Variants in CCDC141 observed in about 807,000 individuals in gnomAD.
CCDC141 encodes coiled-coil domain-containing protein 141.
A neutral mutation model predicts 181.0 loss-of-function variants in CCDC141; 168 were observed. The ratio of observed to expected loss-of-function variants is 0.93; its 90% CI spans 0.82 to 1.05. The LOEUF (loss-of-function observed/expected upper bound fraction) is 1.05. CCDC141 is among the 50% of genes least tolerant of loss of function. CCDC141 has a pLI of 0.00. For missense variants in CCDC141, 1,902 were observed against 1,788.5 expected, an observed-to-expected ratio of 1.06 and a Z score of -1.14; for synonymous variants, 666 against 642.3, an observed-to-expected ratio of 1.04 and a Z score of -0.56.
downstream of CCDC141, among the ~76,000 whole-genome samples, chr2:178,827,092 T>C (rs1575104172): frequency 6.6e-6 from 1 of 152,304 alleles, no homozygotes; most frequent in East Asian, 1.9e-4. Flanking sequence ...TAAAAATCCT[T>C]ATTGAGATTT....
chr2:178,947,021 G>A (rs1390163824), intron 5 of CCDC141, among the ~76,000 whole-genome samples: 1 of 152,136 alleles, frequency 6.6e-6, no homozygotes, highest in African/African-American at 2.4e-5. Flanking sequence ...TCATTATGAG[G>A]TATTCATACA....
At chr2:178,875,939 A>G (rs981866190) in intron 12 of CCDC141, 1 of 152,214 alleles carries the variant, frequency 6.6e-6, no homozygotes, top group African/African-American at 2.4e-5. Context: ...TACATGTTCT[A>G]AATGTTCTAA....
At chr2:179,040,165 A>C (rs2043256703) in intron 2 of CCDC141, among the ~76,000 whole-genome samples, 1 of 152,052 alleles carries the variant, frequency 6.6e-6, no homozygotes, top group African/African-American at 2.4e-5. Context: ...GCAGGGAGGG[A>C]GACTGGCACA....
At position 178,837,692 on chromosome 2, in the gene CCDC141, C is replaced by T. The variant is rs761023328; in HGVS notation, c.3527G>A (p.Arg1176Gln). 104 of 1,613,738 alleles carry T rather than the reference C, an allele frequency of 6.4e-5. No homozygotes were observed. Among genetic ancestry groups the T allele is most frequent in the Admixed American group, 1.3e-4 (8 of 59,996 alleles). The change falls in exon 23 of 24, where the codon CGA (arginine) becomes CAA (glutamine). Residue 1176 changes from arginine (R) to glutamine (Q), a missense_variant. Coordinates refer to ENST00000443758, the MANE Select transcript of CCDC141 (RefSeq NM_173648.4). The stretch of plus-strand genomic sequence containing the variant: ...GGACACCTTCAGGTCTTGTGGTAGT[C>T]GCTCTTCCCCTGTTCCATTGATGCC... ...LLGINGTGEE[R>Q]LPQDLKVSTD...
chr2:178,955,102 T>C (rs1484093127), intron 5 of CCDC141, among the ~76,000 whole-genome samples: 1 of 151,980 alleles, frequency 6.6e-6, no homozygotes, highest in Admixed American at 6.6e-5. Flanking sequence ...CTGGGCAACA[T>C]GGTGAAATCT....
chr2:178,874,847 T>C (rs1686286687), intron 12 of CCDC141: 1 of 152,134 alleles, frequency 6.6e-6, no homozygotes, highest in Non-Finnish European at 1.5e-5. Flanking sequence ...ACAATGATCT[T>C]CTAAAGACGT....
chr2:178,845,663 T>A lies in CCDC141; in HGVS notation c.3437A>T (p.Lys1146Ile), dbSNP rs762145648. 6.2e-7 allele frequency: 1 copy of A among 1,610,958 alleles called. No individual in the cohort carries two copies. Among genetic ancestry groups the A allele is most frequent in the Non-Finnish European group, 8.5e-7 (1 of 1,177,280 alleles). ...DYIDLLKEPA[K>I]NKQTIFNEER... Reference sequence around the variant, plus strand: ...TTCATTGAATATTGTCTGCTTATTTTTTGCTGGTTCCTTTAGCAAGTCAAT... The same window carrying A: ...TTCATTGAATATTGTCTGCTTATTTATTGCTGGTTCCTTTAGCAAGTCAAT... Residue 1146 changes from lysine (K) to isoleucine (I), a missense_variant, in exon 22 of 24, where the codon AAA becomes ATA. Lys to Ile is a moderately radical substitution (Grantham distance 102). Transcript: ENST00000443758.
At chr2:178,839,306 A>C (rs1575115640) in intron 22 of CCDC141, among the ~76,000 whole-genome samples, 1 of 151,768 alleles carries the variant, frequency 6.6e-6, no homozygotes, top group African/African-American at 2.4e-5. Flanking sequence ...CCAGCTACTC[A>C]GGAGGCTGAG....
At chr2:178,972,170 C>T (rs1690919628) in intron 4 of CCDC141, among the ~76,000 whole-genome samples, 1 of 152,094 alleles carries the variant, frequency 6.6e-6, no homozygotes, top group Non-Finnish European at 1.5e-5. Flanking sequence ...TGTGAAGCAG[C>T]TTCTCAGTTC....
In CCDC141 at chr2:178,975,128, T is replaced by C; in HGVS notation, c.455A>G (p.Gln152Arg). The C allele has an allele frequency of 6.6e-7, 1 of 1,517,764 alleles. No individual in the cohort carries two copies. Among genetic ancestry groups the C allele is most frequent in the Non-Finnish European group, 8.9e-7 (1 of 1,122,696 alleles). 94.0% of individuals were successfully genotyped at this position (1,517,764 alleles called of 1,614,324 possible). A position where few individuals can be genotyped will look rare whatever the true frequency, so the allele number is the denominator to read the frequency against. The change falls in exon 4 of 24, where the codon CAG becomes CGG. Residue 152 changes from glutamine to arginine, a missense_variant. Transcript: ENST00000443758. ...IKIDQAEDFL[Q>R]NTHEFESAES... The stretch of plus-strand genomic sequence containing the variant: ...AGCACTCTCAAACTCATGAGTATTC[T>C]GGAGGAAATCTTCAGCTTGGTCTAT...
Position 178,982,805 on chromosome 2 carries a change from G to A in CCDC141, c.226-4130C>T, listed in dbSNP as rs180772851. 1.9e-3 allele frequency among the ~76,000 whole-genome samples: 285 copies of A among 152,228 alleles called. 5 individuals are homozygous for A. The South Asian group carries it at 0.023, about 12-fold the overall frequency. ...CGAGATTATATCCCGCACCTGGCTC[G>A]GAGGGTCCTACCCCACAGAGTCTCC... is the stretch of plus-strand genomic sequence containing the variant. On this transcript the variant is annotated intron_variant, in intron 2 of 23. Coordinates refer to ENST00000443758, the MANE Select transcript of CCDC141 (RefSeq NM_173648.4).
At chr2:179,031,112 T>C (rs2042987763) in intron 2 of CCDC141, among the ~76,000 whole-genome samples, 1 of 152,060 alleles carries the variant, frequency 6.6e-6, no homozygotes, top group Admixed American at 6.6e-5. Context: ...TAAAAAAGAC[T>C]AAACTATCTC....
chr2:178,842,749 T>C (rs1009362269), intron 22 of CCDC141, among the ~76,000 whole-genome samples: 2 of 152,212 alleles, frequency 1.3e-5, no homozygotes, highest in Non-Finnish European at 2.9e-5. Context: ...ATATTAAGCA[T>C]AGGACTTGGT....
At chr2:179,015,379 A>C (rs62647557) in intron 2 of CCDC141, among the ~76,000 whole-genome samples, 100 of 127,920 alleles carry the variant, frequency 7.8e-4, no homozygotes, top group Admixed American at 1.6e-3. Context: ...TATCATATAT[A>C]TCTCATATAT....
chr2:179,017,322 C>T (rs895672687), intron 2 of CCDC141, among the ~76,000 whole-genome samples: 4 of 152,056 alleles, frequency 2.6e-5, no homozygotes, highest in Non-Finnish European at 4.4e-5. Context: ...TAAAGAAGCC[C>T]ATCTTACAAA....
chr2:178,918,974 C>T lies in CCDC141; in HGVS notation c.898-67G>A, dbSNP rs573283179. On this transcript the variant is annotated intron_variant, in intron 6 of 23. Coordinates refer to ENST00000443758, the MANE Select transcript of CCDC141 (RefSeq NM_173648.4). The stretch of plus-strand genomic sequence containing the variant: ...TATGGACCGAATGCTTGTGTCCCCC[C>T]GAAATTCCTCTGCTGAAATCTAACC... 9.9e-5 allele frequency: 134 copies of T among 1,346,876 alleles called. 1 individual carries two copies. Among genetic ancestry groups the T allele is most frequent in the Middle Eastern group, 3.8e-4 (2 of 5,220 alleles). The allele number at this position is 1,346,876 out of a possible 1,614,324, so 83.4% of individuals were successfully genotyped here. A position where few individuals can be genotyped will look rare whatever the true frequency, so the allele number is the denominator to read the frequency against.
At chr2:178,885,258 A>G (rs1384259392) in intron 10 of CCDC141, among the ~76,000 whole-genome samples, 166 bp from the exon 11 acceptor site, 17 of 151,628 alleles carry the variant, frequency 1.1e-4, no homozygotes, top group Non-Finnish European at 1.9e-4. Context: ...AAAAAAAAAA[A>G]GGGCACTTTA....
At chr2:178,936,001 T>C (rs1438857949) in intron 6 of CCDC141, among the ~76,000 whole-genome samples, 1 of 152,162 alleles carries the variant, frequency 6.6e-6, no homozygotes, top group African/African-American at 2.4e-5. Flanking sequence ...TATTAGGCCT[T>C]TGTCAGATGC....
At chr2:178,978,768 T>C (rs1691236081) in intron 2 of CCDC141, 93 bp from the exon 3 acceptor site, 7 of 975,710 alleles carry the variant, frequency 7.2e-6, no homozygotes, top group Non-Finnish European at 1.0e-5. Context: ...AGAAATTGCA[T>C]GTGGTCTAGG....
Sources: allele counts gnomAD v4.1 joint callset (sites outside exome capture counted in the v4.1 genomes callset), GRCh38; gene constraint gnomAD v4.1.1; transcripts MANE v1.5; gene names NCBI Gene and HGNC (gene_info 2026-07-23, HGNC 2026-07-21).